ADNP: variants seen among roughly 807,000 people sequenced by gnomAD.
The protein encoded by ADNP is activity dependent neuroprotector homeobox, also known as activity-dependent neuroprotector homeobox protein.
A neutral mutation model predicts 84.9 loss-of-function variants in ADNP; 4 were observed. The observed-to-expected ratio is 0.05, with a 90% CI of 0.02 to 0.11. The LOEUF (loss-of-function observed/expected upper bound fraction) is 0.11. Ranked by LOEUF, ADNP falls within the 10% of genes least tolerant of loss-of-function variation. The probability of loss-of-function intolerance (pLI) is 1.00; values close to 1 mark genes in which losing one functional copy is unlikely to be tolerated. For missense variants in ADNP, 1,132 were observed against 1,326.0 expected, an observed-to-expected ratio of 0.85 and a Z score of 2.27; for synonymous variants, 554 against 468.1, an observed-to-expected ratio of 1.18 and a Z score of -2.37.
chr20:50,920,730 T>C (rs144447170), intron 2 of ADNP, among the ~76,000 whole-genome samples: 201 of 151,772 alleles, frequency 1.3e-3, no homozygotes, highest in Middle Eastern at 3.4e-3. Flanking sequence ...GGGGTAAGAG[T>C]AAAACGAGGG....
intron 5 of ADNP, among the ~76,000 whole-genome samples, chr20:50,895,899 T>C (rs1437546871): frequency 1.3e-5 from 2 of 152,188 alleles, no homozygotes; most frequent in African/African-American, 4.8e-5. Context: ...TTTTAACTTT[T>C]TGACTCTTTT....
In ADNP at chr20:50,930,940, C is replaced by T. The variant is rs1984703452; in HGVS notation, c.-379G>A. 4.9e-5 allele frequency: 7 copies of T among 141,848 alleles called. 1 individual carries two copies. In the South Asian group the frequency reaches 1.3e-3, roughly 27 times the overall value. 8.8% of individuals were successfully genotyped at this position (141,848 alleles called of 1,614,324 possible). ...GTGGCGGCAGCGGGGAGGGCGCGCCCGGGGCCTCGTCGCGCTCCGGCTCGG... is the reference window on the plus strand; with the variant it reads ...GTGGCGGCAGCGGGGAGGGCGCGCCTGGGGCCTCGTCGCGCTCCGGCTCGG... On this transcript the variant is annotated 5_prime_UTR_variant, in exon 1 of 6. Coordinates refer to ENST00000621696, the MANE Select transcript of ADNP (RefSeq NM_001282531.3).
chr20:50,899,823 G>A (rs1981783017), intron 5 of ADNP, among the ~76,000 whole-genome samples: 1 of 147,352 alleles, frequency 6.8e-6, no homozygotes, highest in African/African-American at 2.5e-5. Context: ...CTAGGAAAAA[G>A]CCTGTAAGCA....
chr20:50,908,519 A>G (rs2122877606), intron 2 of ADNP, among the ~76,000 whole-genome samples: 1 of 152,276 alleles, frequency 6.6e-6, no homozygotes, highest in East Asian at 1.9e-4. Flanking sequence ...TCATGCCTGT[A>G]ATCCCAGCAC....
chr20:50,895,202 G>GT (rs1370625516), intron 5 of ADNP, among the ~76,000 whole-genome samples: 2 of 152,192 alleles, frequency 1.3e-5, no homozygotes, highest in African/African-American at 4.8e-5. Context: ...TCTGAAAAAT[G>GT]TATCATGGTG....
Position 50,893,672 on chromosome 20 carries a change from T to C in ADNP, c.1042A>G (p.Arg348Gly), listed in dbSNP as rs1051220596. 6.2e-7 allele frequency: 1 copy of C among 1,614,054 alleles called. No homozygotes were observed. Among genetic ancestry groups the C allele is most frequent in the African/African-American group, 1.3e-5 (1 of 74,928 alleles). Residue 348 changes from arginine (R) to glycine (G), a missense_variant, in exon 6 of 6, where the codon AGA becomes GGA. By Grantham distance (125) the Arg-to-Gly change is moderately radical. Coordinates refer to ENST00000621696, the MANE Select transcript of ADNP (RefSeq NM_001282531.3). This position sits in a 1 kb window ranked among gnomAD's most constrained non-coding sequence, Gnocchi z 4.4. Reference protein sequence around the residue: ...GQGYSVGQSMRLGLGGNAPVS... With the variant: ...GQGYSVGQSMGLGLGGNAPVS... Reference sequence around the variant, plus strand: ...GGTGCGTTGCCACCTAGACCCAGTCTCATTGACTGACCAACACTGTAACCC... The same window carrying C: ...GGTGCGTTGCCACCTAGACCCAGTCCCATTGACTGACCAACACTGTAACCC...
chr20:50,903,550 T>C (rs1982191252), intron 4 of ADNP, among the ~76,000 whole-genome samples: 2 of 152,232 alleles, frequency 1.3e-5, no homozygotes, highest in South Asian at 4.1e-4. Flanking sequence ...GCCTATTTAT[T>C]TGTTCTTCAT....
rs150489825 is a variant in ADNP, at chr20:50,890,131, TAAAAAAAAAAAAA to T, written c.*1261_*1273del. On this transcript the variant is annotated 3_prime_UTR_variant, in exon 6 of 6. Coordinates refer to ENST00000621696, the MANE Select transcript of ADNP (RefSeq NM_001282531.3). ...AACTCAAGGGTGTTTGTTTTTCAGT[TAAAAAAAAAAAAA>T]AAAAAAAAAAAAAAAAAGAAAAACA... 27 of 81,214 alleles carry T rather than the reference TAAAAAAAAAAAAA, an allele frequency of 3.3e-4. No homozygotes were observed. Among genetic ancestry groups the T allele is most frequent in the South Asian group, 1.2e-3 (2 of 1,612 alleles). The allele number at this position is 81,214 out of a possible 1,614,324, so 5.0% of individuals were successfully genotyped here.
intron 5 of ADNP, among the ~76,000 whole-genome samples, chr20:50,900,323 C>T (rs1162215018): frequency 1.3e-5 from 2 of 152,134 alleles, no homozygotes; most frequent in East Asian, 1.9e-4. Context: ...TACCATATAG[C>T]GTAGGGGTAA....
chr20:50,928,594 GA>G (rs1355530628), intron 2 of ADNP, 56 bp downstream of exon 2: 1 of 152,186 alleles, frequency 6.6e-6, no homozygotes, highest in Admixed American at 6.5e-5. Context: ...CAAGGAGAAG[GA>G]AGTCTCTGGC....
chr20:50,901,974 A>G, intron 5 of ADNP, 43 bp downstream of exon 5: 2 of 1,434,312 alleles, frequency 1.4e-6, no homozygotes, highest in Non-Finnish European at 2.0e-6. Context: ...AAGGGAGTAT[A>G]CCAAGCATGC....
rs1980768592 is a variant in ADNP at position 50,891,810 on chromosome 20, A to T, written c.2904T>A (p.Gly968=). 6.2e-7 allele frequency: 1 copy of T among 1,614,082 alleles called. No homozygotes were observed. Among genetic ancestry groups the T allele is most frequent in the Admixed American group, 1.7e-5 (1 of 59,998 alleles). Residue 968 remains glycine (G), a synonymous_variant, in exon 6 of 6, where the codon GGT becomes GGA. Transcript: ENST00000621696. ...CAGGCCCACTCTCAGATGGAGAAGC[A>T]CCGTCTTTCCACTCAACAACATCGT... ...DQDDVVEWKD[G]ASPSESGPGS... is the part of the protein sequence containing the mutation.
In ADNP at chr20:50,913,644, T is replaced by C. The variant is rs6126125; in HGVS notation, c.-89-8795A>G. On this transcript the variant is annotated intron_variant, in intron 2 of 5. Transcript: ENST00000621696. Reference sequence around the variant, plus strand: ...TAATTTTATTTATTTAAAGAACAGATTTTGTTATGTCTCTGTGGAAACATT... The same window carrying C: ...TAATTTTATTTATTTAAAGAACAGACTTTGTTATGTCTCTGTGGAAACATT... 720 of 204,310 alleles carry C rather than the reference T, an allele frequency of 3.5e-3. 11 individuals are homozygous for C. The East Asian group carries it at 0.046, about 13-fold the overall frequency. 12.7% of individuals were successfully genotyped at this position (204,310 alleles called of 1,614,324 possible).
In ADNP at chr20:50,893,143, A is replaced by C; in HGVS notation, c.1571T>G (p.Val524Gly). The C allele has an allele frequency of 1.2e-6, 2 of 1,614,262 alleles. No individual in the cohort carries two copies. The highest frequency in any genetic ancestry group is 1.7e-6 in the Non-Finnish European group (2 of 1,180,044). ...CPYCRSTFND[V>G]EKMAAHMRMV... ...CCGCATGTGTGCGGCCATCTTTTCC[A>C]CATCATTGAAAGTTGAACGGCAATA... is the stretch of plus-strand genomic sequence containing the variant. Residue 524 changes from valine (V) to glycine (G), a missense_variant, in exon 6 of 6, where the codon GTG becomes GGG. Coordinates refer to ENST00000621696, the MANE Select transcript of ADNP (RefSeq NM_001282531.3). The surrounding 1 kb of genome is among the most constrained non-coding windows in gnomAD (Gnocchi z 4.4).
chr20:50,930,079 G>A (rs1176566522), intron 1 of ADNP, among the ~76,000 whole-genome samples: 2 of 152,022 alleles, frequency 1.3e-5, no homozygotes, highest in East Asian at 3.9e-4. Flanking sequence ...CCAGAGGAAA[G>A]AAGAGGTGAA....
intron 2 of ADNP, chr20:50,914,393 AG>A: frequency 1.8e-6 from 1 of 561,214 alleles, no homozygotes; most frequent in East Asian, 3.2e-5. Flanking sequence ...GAATGGTAGA[AG>A]GTTAAACAGC....
rs1466377640 is a variant in ADNP, at chr20:50,890,443, A to ATAT, written c.*959_*961dup. 2.0e-5 allele frequency: 3 copies of ATAT among 152,562 alleles called. No homozygotes were observed. Among genetic ancestry groups the ATAT allele is most frequent in the African/African-American group, 7.2e-5 (3 of 41,474 alleles). The allele number at this position is 152,562 out of a possible 1,614,324, so 9.5% of individuals were successfully genotyped here. On this transcript the variant is annotated 3_prime_UTR_variant, in exon 6 of 6. Transcript: ENST00000621696. ...TATACATACTACAACAGTGTGTCAT[A>ATAT]TATTAGATGGTATAAATGAATCCAC... is the stretch of plus-strand genomic sequence containing the variant.
chr20:50,925,263 TACACACACACAC>T (rs57985341), intron 2 of ADNP, among the ~76,000 whole-genome samples: 13 of 149,098 alleles, frequency 8.7e-5, no homozygotes, highest in East Asian at 3.9e-4. Flanking sequence ...TGACTTCCTA[TACACACACACAC>T]ACACACACAC....
chr20:50,927,871 T>A (rs1011374702), intron 2 of ADNP, among the ~76,000 whole-genome samples: 24 of 152,210 alleles, frequency 1.6e-4, no homozygotes, highest in African/African-American at 5.5e-4. Flanking sequence ...CAAACTTCAT[T>A]TCAAACATTC....
Sources: gnomAD v4.1 joint callset for allele counts (sites outside exome capture counted in the v4.1 genomes callset) on GRCh38, gnomAD v4.1.1 for gene constraint, Gnocchi (gnomAD v3.1) non-coding constraint, MANE v1.5 for transcripts, NCBI Gene and HGNC (gene_info 2026-07-23, HGNC 2026-07-21) for gene names.